Variants in MYO1D observed in about 807,000 individuals in gnomAD.
MYO1D encodes the protein unconventional myosin-Id.
A neutral mutation model predicts 122.0 loss-of-function variants in MYO1D; 83 were observed. That is an observed-to-expected ratio of 0.68 (90% CI 0.57 to 0.82). The LOEUF (loss-of-function observed/expected upper bound fraction) is 0.82, where lower values mean the gene tolerates loss of function less well. MYO1D is among the 40% of genes least tolerant of loss of function. MYO1D has a pLI of 0.00. For missense variants in MYO1D, 1,157 were observed against 1,269.5 expected (o/e 0.91, Z 1.35); for synonymous variants, 464 against 446.9 (o/e 1.04, Z -0.48).
intron 1 of MYO1D, among the ~76,000 whole-genome samples, chr17:32,875,791 AATG>A (rs1206185104): frequency 6.6e-6 from 1 of 152,204 alleles, no homozygotes; most frequent in Non-Finnish European, 1.5e-5. Flanking sequence ...AAGCTTAAGG[AATG>A]ATGTTTAGCT....
chr17:32,862,516 T>G lies in MYO1D; in HGVS notation c.95+14262A>C, dbSNP rs1043044450. Among the ~76,000 whole-genome samples, 11 of 152,240 alleles carry G rather than the reference T, an allele frequency of 7.2e-5. No individual in the cohort carries two copies. In the East Asian group the frequency reaches 2.1e-3, roughly 29 times the overall value. ...GATGCCAAAGTTTTGAATATGTACA[T>G]TTTTTATATGTCTAGAAAAGACTGT... On this transcript the variant is annotated intron_variant, in intron 1 of 21. Transcript: ENST00000318217.
At chr17:32,513,898 T>A (rs796474527) in intron 21 of MYO1D, among the ~76,000 whole-genome samples, 3 of 151,542 alleles carry the variant, frequency 2.0e-5, no homozygotes, top group African/African-American at 7.3e-5. Context: ...GGTGTGAGCA[T>A]GGCTCACTGC....
intron 16 of MYO1D, among the ~76,000 whole-genome samples, chr17:32,681,711 A>G (rs1401020130): frequency 2.7e-5 from 4 of 148,716 alleles, no homozygotes; most frequent in Admixed American, 6.7e-5. Context: ...GTGGTGCTGA[A>G]AAAAATGTAT....
intron 21 of MYO1D, among the ~76,000 whole-genome samples, chr17:32,578,050 T>C (rs2087295722): frequency 6.6e-6 from 1 of 152,188 alleles, no homozygotes; most frequent in Non-Finnish European, 1.5e-5. Context: ...CAGAAACATA[T>C]TTCAAAGAGA....
rs191487208 is a variant in MYO1D at position 32,783,118 on chromosome 17, A to G, written c.96-2334T>C. Among the ~76,000 whole-genome samples, 3 of 151,486 alleles carry G rather than the reference A, an allele frequency of 2.0e-5. No homozygotes were observed. The East Asian group carries it at 5.8e-4, about 30-fold the overall frequency. ...AGTATCTCCAAGGAAAAGAATCAAA[A>G]GGGCACGATTGTTTAGTTTTGAATA... On this transcript the variant is annotated intron_variant, in intron 1 of 21. Coordinates refer to ENST00000318217, the MANE Select transcript of MYO1D (RefSeq NM_015194.3).
chr17:32,850,264 T>C (rs2090974736), intron 1 of MYO1D, among the ~76,000 whole-genome samples: 1 of 152,234 alleles, frequency 6.6e-6, no homozygotes, highest in African/African-American at 2.4e-5. Flanking sequence ...GTAAGTTTCA[T>C]AAAGGAGTTA....
At chr17:32,853,719 C>T (rs1345568793) in intron 1 of MYO1D, among the ~76,000 whole-genome samples, 1 of 152,190 alleles carries the variant, frequency 6.6e-6, no homozygotes. Flanking sequence ...TGATTTGGCT[C>T]ACAAACGAAC....
intron 16 of MYO1D, among the ~76,000 whole-genome samples, chr17:32,683,717 T>TGCAG (rs2088959921): frequency 6.6e-6 from 1 of 152,108 alleles, no homozygotes; most frequent in African/African-American, 2.4e-5. Context: ...GTCTGTGCCC[T>TGCAG]GCCCCCAGAG....
At chr17:32,705,027 TAAAAA>T (rs1000251538) in intron 16 of MYO1D, among the ~76,000 whole-genome samples, 6 of 152,146 alleles carry the variant, frequency 3.9e-5, no homozygotes, top group African/African-American at 1.4e-4. Flanking sequence ...GTTATTTCTT[TAAAAA>T]AAGAGATCTT....
chr17:32,876,721 G>T (rs962231858), intron 1 of MYO1D, 57 bp downstream of exon 1: 4 of 1,394,154 alleles, frequency 2.9e-6, no homozygotes, highest in Non-Finnish European at 2.9e-6. Context: ...GCCCCGAGGC[G>T]CCCCCTCTCG....
At chr17:32,707,050 A>C (rs2089318293) in intron 16 of MYO1D, among the ~76,000 whole-genome samples, 1 of 152,158 alleles carries the variant, frequency 6.6e-6, no homozygotes, top group African/African-American at 2.4e-5. Context: ...AGAAAAAGAC[A>C]AATTTCATTA....
chr17:32,494,661 C>T lies in MYO1D; in HGVS notation c.*98G>A, dbSNP rs1909019978. The T allele has an allele frequency of 7.2e-7, 1 of 1,380,348 alleles. No individual in the cohort carries two copies. The highest frequency in any genetic ancestry group is 9.6e-7 in the Non-Finnish European group (1 of 1,040,186). The allele number at this position is 1,380,348 out of a possible 1,614,324, so 85.5% of individuals were successfully genotyped here. A position where few individuals can be genotyped will look rare whatever the true frequency, so the allele number is the denominator to read the frequency against. On this transcript the variant is annotated 3_prime_UTR_variant, in exon 22 of 22. Transcript: ENST00000318217. ...GGGGCTCCTCTGGGAGGGGCCCTCG[C>T]AGCAGGTTTCTAGCGGGCATGGGTT...
At chr17:32,610,779 C>A (rs2087690636) in intron 20 of MYO1D, among the ~76,000 whole-genome samples, 1 of 152,074 alleles carries the variant, frequency 6.6e-6, no homozygotes, top group Non-Finnish European at 1.5e-5. Flanking sequence ...CTTACAACAC[C>A]ATGCAAATGG....
At chr17:32,705,192 T>C (rs1190856010) in intron 16 of MYO1D, among the ~76,000 whole-genome samples, 4 of 152,270 alleles carry the variant, frequency 2.6e-5, no homozygotes, top group East Asian at 1.9e-4. Flanking sequence ...ATTCACAGGA[T>C]GTGAAACCTG....
intron 21 of MYO1D, chr17:32,512,925 C>G (rs1015049548): frequency 2.0e-5 from 3 of 152,288 alleles, no homozygotes; most frequent in Admixed American, 2.0e-4. Context: ...GGCTACATTT[C>G]AGGCACCTTG....
intron 11 of MYO1D, among the ~76,000 whole-genome samples, chr17:32,751,216 A>G (rs543376429): frequency 4.6e-5 from 7 of 152,282 alleles, no homozygotes; most frequent in African/African-American, 1.7e-4. Context: ...TAGTCCCTAA[A>G]TGAAATAACT....
At chr17:32,564,858 G>GT (rs571332439) in intron 21 of MYO1D, among the ~76,000 whole-genome samples, 83 of 152,180 alleles carry the variant, frequency 5.5e-4, no homozygotes, top group Non-Finnish European at 9.8e-4. Context: ...TGTGGTCACT[G>GT]TTACAAAGGT....
intron 1 of MYO1D, among the ~76,000 whole-genome samples, chr17:32,781,751 A>AT (rs2090241488): frequency 6.6e-6 from 1 of 151,474 alleles, no homozygotes; most frequent in South Asian, 2.1e-4. Flanking sequence ...AAAAAAAAAA[A>AT]TACAAAGCTT....
intron 8 of MYO1D, among the ~76,000 whole-genome samples, chr17:32,760,880 C>T (rs2151016324): frequency 6.6e-6 from 1 of 152,328 alleles, no homozygotes; most frequent in African/African-American, 2.4e-5. Flanking sequence ...CAACGACACT[C>T]TCCAGGCATG....
Sources: allele counts gnomAD v4.1 joint callset (sites outside exome capture counted in the v4.1 genomes callset), GRCh38; gene constraint gnomAD v4.1.1; transcripts MANE v1.5; gene names NCBI Gene and HGNC (gene_info 2026-07-23, HGNC 2026-07-21).